Variants in GLRX3 observed in about 807,000 individuals in gnomAD.
The protein encoded by GLRX3 is glutaredoxin-3.
GLRX3 carries 22 observed loss-of-function variants against 49.5 expected under a neutral mutation model. That is an observed-to-expected ratio of 0.44 (90% confidence interval 0.32 to 0.63). The LOEUF (loss-of-function observed/expected upper bound fraction) is 0.63. GLRX3 is among the 30% of genes least tolerant of loss of function. The pLI is 0.05. For missense variants in GLRX3, 385 were observed against 396.3 expected, an observed-to-expected ratio of 0.97 and a Z score of 0.24; for synonymous variants, 133 against 140.0, an observed-to-expected ratio of 0.95 and a Z score of 0.35.
At chr10:130,151,128 G>A (rs909949718) in intron 2 of GLRX3, among the ~76,000 whole-genome samples, 19 of 151,914 alleles carry the variant, frequency 1.3e-4, no homozygotes, top group Non-Finnish European at 2.5e-4. Flanking sequence ...GGGTTTCACC[G>A]TGTTGGCCAG....
At chr10:130,179,677 A>G (rs1465811348), downstream of GLRX3, 3 of 344,730 alleles carry the variant, frequency 8.7e-6, no homozygotes, top group Non-Finnish European at 1.6e-5. Flanking sequence ...AACCCACCTT[A>G]AATCTCTTTT....
At chr10:130,154,652 G>T (rs537397027) in intron 2 of GLRX3, among the ~76,000 whole-genome samples, 1 of 152,030 alleles carries the variant, frequency 6.6e-6, no homozygotes, top group South Asian at 2.1e-4. Context: ...GCAGGTTTAA[G>T]TGTTCTCTCC....
At chr10:130,139,551 C>T (rs1354547672) in intron 1 of GLRX3, among the ~76,000 whole-genome samples, 2 of 148,894 alleles carry the variant, frequency 1.3e-5, no homozygotes, top group African/African-American at 5.0e-5. Flanking sequence ...CTGAGGCAGG[C>T]GAATGGCATG....
chr10:130,143,585 G>C (rs1862214566), intron 1 of GLRX3, among the ~76,000 whole-genome samples: 1 of 151,954 alleles, frequency 6.6e-6, no homozygotes, highest in Non-Finnish European at 1.5e-5. Flanking sequence ...CTGGAGTGTA[G>C]TGGTATGATC....
chr10:130,138,893 G>C (rs970044768), intron 1 of GLRX3, among the ~76,000 whole-genome samples: 5 of 113,028 alleles, frequency 4.4e-5, no homozygotes, highest in South Asian at 2.8e-4. Flanking sequence ...GTCTCTCTCT[G>C]TTGCCCAGGC....
intron 1 of GLRX3, among the ~76,000 whole-genome samples, chr10:130,139,564 C>G (rs1403524104): frequency 1.3e-5 from 2 of 150,470 alleles, no homozygotes; most frequent in African/African-American, 4.9e-5. Flanking sequence ...ATGGCATGAA[C>G]CTGGGAGGCG....
At chr10:130,170,297 G>C (rs1345531233) in intron 7 of GLRX3, among the ~76,000 whole-genome samples, 1 of 152,174 alleles carries the variant, frequency 6.6e-6, no homozygotes, top group Non-Finnish European at 1.5e-5. Flanking sequence ...TGCCTCACTT[G>C]TTAGCAAGAT....
chr10:130,179,330 T>C lies in GLRX3; in HGVS notation c.958-12T>C, dbSNP rs1329042759. The C allele has an allele frequency of 3.2e-6, 4 of 1,266,166 alleles. No individual in the cohort carries two copies. The highest frequency in any genetic ancestry group is 1.5e-5 in the African/African-American group (1 of 67,402). 78.4% of individuals were successfully genotyped at this position (1,266,166 alleles called of 1,614,324 possible). The stretch of plus-strand genomic sequence containing the variant: ...GCATATACATATTATTATTGTTGTT[T>C]TTTATTTTTAGGAACTGAAAGAAAA... On this transcript the variant is annotated splice_polypyrimidine_tract_variant and intron_variant, in intron 10 of 10. Coordinates refer to ENST00000331244, the MANE Select transcript of GLRX3 (RefSeq NM_006541.5).
At chr10:130,173,337 T>C (rs190679776) in intron 8 of GLRX3, among the ~76,000 whole-genome samples, 1 of 152,272 alleles carries the variant, frequency 6.6e-6, no homozygotes, top group African/African-American at 2.4e-5. Context: ...TGGGAGAGCA[T>C]GACCTCCCAG....
At chr10:130,160,699 A>G (rs1000824857) in intron 3 of GLRX3, 97 bp from the exon 4 acceptor site, 14 of 706,632 alleles carry the variant, frequency 2.0e-5, no homozygotes, top group South Asian at 3.4e-5. Context: ...CTTTTTTTAC[A>G]TCTCCGGTAA....
intron 1 of GLRX3, among the ~76,000 whole-genome samples, chr10:130,138,470 TG>T (rs1862108896): frequency 6.6e-6 from 1 of 152,102 alleles, no homozygotes; most frequent in African/African-American, 2.4e-5. Flanking sequence ...CCTTTGGAAA[TG>T]GGGAGGGGTG....
chr10:130,163,419 CTCAAA>C (rs1862615000), intron 4 of GLRX3, among the ~76,000 whole-genome samples: 1 of 151,992 alleles, frequency 6.6e-6, no homozygotes, highest in South Asian at 2.1e-4. Flanking sequence ...GAAACTCTGT[CTCAAA>C]ACAAAACAAA....
intron 8 of GLRX3, among the ~76,000 whole-genome samples, chr10:130,174,098 C>A (rs1277824911): frequency 6.6e-6 from 1 of 152,220 alleles, no homozygotes; most frequent in Non-Finnish European, 1.5e-5. Flanking sequence ...AGTGATTTTT[C>A]ATTTTTTGTA....
chr10:130,151,309 GTTTTAT>G (rs1420104412), intron 2 of GLRX3, among the ~76,000 whole-genome samples: 1 of 152,038 alleles, frequency 6.6e-6, no homozygotes, highest in Non-Finnish European at 1.5e-5. Flanking sequence ...AATTAACATG[GTTTTAT>G]TAGCTGTTTC....
rs780900970 is a variant in GLRX3, at chr10:130,171,654, T to C, written c.824+18T>C. The C allele has an allele frequency of 1.6e-5, 21 of 1,320,678 alleles. No individual in the cohort carries two copies. The South Asian group carries it at 2.3e-4, about 15-fold the overall frequency. The allele number at this position is 1,320,678 out of a possible 1,614,324, so 81.8% of individuals were successfully genotyped here. On this transcript the variant is annotated intron_variant, in intron 8 of 10. Transcript: ENST00000331244. ...AGTACTGGGTATGTAAATGTTGTTT[T>C]CAAATGGTGTATTAAAAAAATTCCA... is the stretch of plus-strand genomic sequence containing the variant.
intron 2 of GLRX3, among the ~76,000 whole-genome samples, chr10:130,150,782 C>A (rs1862361061): frequency 6.6e-6 from 1 of 152,098 alleles, no homozygotes; most frequent in Non-Finnish European, 1.5e-5. Flanking sequence ...AGCTGTATAA[C>A]CAGGTGCATG....
chr10:130,166,368 C>A (rs1862687216), intron 4 of GLRX3, 139 bp from the exon 5 acceptor site: 3 of 591,988 alleles, frequency 5.1e-6, no homozygotes, highest in Middle Eastern at 4.6e-4. Context: ...TATTATTCAG[C>A]CATGCTAATT....
At chr10:130,177,878 C>A (rs1013230580) in intron 10 of GLRX3, among the ~76,000 whole-genome samples, 1 of 152,138 alleles carries the variant, frequency 6.6e-6, no homozygotes, top group African/African-American at 2.4e-5. Flanking sequence ...TCAGTGATAA[C>A]CTGAAATGTT....
At chr10:130,168,127 A>G (rs2134916100) in intron 6 of GLRX3, among the ~76,000 whole-genome samples, 1 of 152,350 alleles carries the variant, frequency 6.6e-6, no homozygotes, top group South Asian at 2.1e-4. Flanking sequence ...TGCAGACACC[A>G]AAGGGTAACG....
Sources: gnomAD v4.1 joint callset for allele counts (sites outside exome capture counted in the v4.1 genomes callset) on GRCh38, gnomAD v4.1.1 for gene constraint, MANE v1.5 for transcripts, NCBI Gene and HGNC (gene_info 2026-07-23, HGNC 2026-07-21) for gene names.